The following MTOR variants were observed in gnomAD, a reference collection of about 807,000 sequenced individuals.
MTOR encodes the protein serine/threonine-protein kinase mTOR.
In MTOR, 70 loss-of-function variants were observed where a neutral mutation model predicts 319.8. The observed-to-expected ratio is 0.22, with a 90% confidence interval of 0.18 to 0.27. The LOEUF is 0.27. Among genes scored for constraint, MTOR ranks in the 10% least tolerant of loss-of-function variants. The probability of loss-of-function intolerance (pLI) is 1.00; values close to 1 mark genes in which losing one functional copy is unlikely to be tolerated. For missense variants in MTOR, 1,890 were observed against 3,274.4 expected, an observed-to-expected ratio of 0.58 and a Z score of 10.32; for synonymous variants, 1,183 against 1,211.4, an observed-to-expected ratio of 0.98 and a Z score of 0.49.
chr1:11,257,480 T>C (rs1417629212), intron 3 of MTOR, among the ~76,000 whole-genome samples: 1 of 148,784 alleles, frequency 6.7e-6, no homozygotes, highest in Non-Finnish European at 1.5e-5. Context: ...GGAGAATTGC[T>C]TGGACCTGGG....
rs1288504074 is a variant in MTOR, at chr1:11,134,377, C to T, written c.5220G>A (p.Lys1740=). The T allele has an allele frequency of 1.2e-6, 2 of 1,614,162 alleles. No homozygotes were observed. Among genetic ancestry groups the T allele is most frequent in the South Asian group, 2.2e-5 (2 of 91,074 alleles). The change falls in exon 37 of 58, where the codon AAG becomes AAA. Residue 1740 remains lysine, a synonymous_variant. Transcript: ENST00000361445. ...GGGCCATGAGCTTGTGCAGTTCCTG[C>T]TTATGCTGCTGGTCCTCAGTAGCGA... ...HAIATEDQQH[K]QELHKLMARC...
chr1:11,238,670 T>C (rs928318533), intron 11 of MTOR, 53 bp from the exon 12 acceptor site: 32 of 1,472,232 alleles, frequency 2.2e-5, no homozygotes, highest in Non-Finnish European at 2.9e-5. Flanking sequence ...TGTAGACAGG[T>C]AGGTCTGCAG....
At chr1:11,170,645 G>A (rs1644783295) in intron 28 of MTOR, among the ~76,000 whole-genome samples, 1 of 151,254 alleles carries the variant, frequency 6.6e-6, no homozygotes. Flanking sequence ...GGATTCTTGG[G>A]ATGAAGGCCA....
rs765871065 is a variant in MTOR at position 11,112,937 on chromosome 1, G to T, written c.7301-20C>A. On this transcript the variant is annotated intron_variant, in intron 53 of 57. Transcript: ENST00000361445. ...TATTTGCTAGGGAGAGAAATAAAGA[G>T]TATTGAAACATGCTTCAAATTTTGA... is the stretch of plus-strand genomic sequence containing the variant. 6.2e-7 allele frequency: 1 copy of T among 1,605,420 alleles called. No homozygotes were observed. The highest frequency in any genetic ancestry group is 1.1e-5 in the South Asian group (1 of 89,888).
intron 18 of MTOR, among the ~76,000 whole-genome samples, chr1:11,229,909 C>T (rs772414637): frequency 5.9e-5 from 9 of 151,744 alleles, no homozygotes; most frequent in East Asian, 5.8e-4. Context: ...CCCAGGAGGT[C>T]GAGGCTACAT....
At chr1:11,241,917 T>C (rs1161628705) in intron 9 of MTOR, among the ~76,000 whole-genome samples, 1 of 152,178 alleles carries the variant, frequency 6.6e-6, no homozygotes, top group Admixed American at 6.5e-5. Flanking sequence ...AGGGGCCTTT[T>C]TTCTGAATTC....
chr1:11,146,155 A>C (rs1055514269), intron 32 of MTOR, among the ~76,000 whole-genome samples: 2 of 152,228 alleles, frequency 1.3e-5, no homozygotes, highest in Non-Finnish European at 2.9e-5. Context: ...CAATGCCTTA[A>C]GTGCTCAGAT....
At chr1:11,248,499 C>A (rs995719711) in intron 6 of MTOR, among the ~76,000 whole-genome samples, 2 of 152,194 alleles carry the variant, frequency 1.3e-5, no homozygotes, top group Admixed American at 6.5e-5. Flanking sequence ...TCTCTTTCTT[C>A]TCCCTAGAAA....
intron 4 of MTOR, 39 bp from the exon 5 acceptor site, chr1:11,256,231 A>G (rs1467618222): frequency 5.7e-6 from 9 of 1,589,540 alleles, no homozygotes; most frequent in South Asian, 3.4e-5. Flanking sequence ...CATTGGTACC[A>G]GAGTTTTGTT....
chr1:11,175,925 A>G (rs759495236), intron 28 of MTOR, among the ~76,000 whole-genome samples: 3 of 151,836 alleles, frequency 2.0e-5, no homozygotes, highest in Non-Finnish European at 4.4e-5. Context: ...TTCTATTTTT[A>G]GTAGTAGAGA....
chr1:11,220,157 T>A (rs1211564221), intron 19 of MTOR, among the ~76,000 whole-genome samples: 1 of 151,292 alleles, frequency 6.6e-6, no homozygotes, highest in Non-Finnish European at 1.5e-5. Flanking sequence ...ATCCTCACAT[T>A]CAGGAAGCCC....
At chr1:11,244,615 A>G (rs145927123) in intron 8 of MTOR, among the ~76,000 whole-genome samples, 2 of 152,288 alleles carry the variant, frequency 1.3e-5, no homozygotes, top group Non-Finnish European at 1.5e-5. Context: ...TGGGCAACAG[A>G]GCAAGACTCT....
intron 28 of MTOR, among the ~76,000 whole-genome samples, chr1:11,170,533 C>G (rs111634483): frequency 6.6e-6 from 1 of 151,480 alleles, no homozygotes; most frequent in Non-Finnish European, 1.5e-5. Context: ...CTGGGCAACA[C>G]AGTGAGACCC....
chr1:11,177,153 A>T (rs549523856), intron 28 of MTOR, among the ~76,000 whole-genome samples: 1 of 152,246 alleles, frequency 6.6e-6, no homozygotes, highest in East Asian at 1.9e-4. Flanking sequence ...TGGCCCCATT[A>T]CAAGGTTTCA....
chr1:11,231,238 C>G, intron 17 of MTOR, 62 bp downstream of exon 17: 13 of 1,605,696 alleles, frequency 8.1e-6, no homozygotes, highest in Non-Finnish European at 1.1e-5. Context: ...ATGCTGCAAC[C>G]ATCTCTCTCT....
chr1:11,193,324 G>A (rs1645624431), intron 28 of MTOR, among the ~76,000 whole-genome samples: 1 of 150,958 alleles, frequency 6.6e-6, no homozygotes, highest in Non-Finnish European at 1.5e-5. Flanking sequence ...AAAAAAAAAA[G>A]TATCTGGATT....
rs1645884818 is a variant in MTOR, at chr1:11,199,232, GC to G, written c.4253+25del. The G allele has an allele frequency of 1.2e-6, 2 of 1,614,146 alleles. No homozygotes were observed. Among genetic ancestry groups the G allele is most frequent in the Non-Finnish European group, 1.7e-6 (2 of 1,179,966 alleles). On this transcript the variant is annotated intron_variant, in intron 28 of 57. Coordinates refer to ENST00000361445, the MANE Select transcript of MTOR (RefSeq NM_004958.4). The surrounding 1 kb of genome is among the most constrained non-coding windows in gnomAD (Gnocchi z 4.5). ...AGAGAGGTCATTTTGCATGAAGGCA[GC>G]AATTAAAAAGGGTTTATGGCCTACC...
chr1:11,126,234 TA>T (rs113648055), intron 46 of MTOR, among the ~76,000 whole-genome samples: 106 of 142,062 alleles, frequency 7.5e-4, no homozygotes, highest in Admixed American at 7.0e-4. Flanking sequence ...ACTATGATGG[TA>T]AAAAAAAAAA....
intron 46 of MTOR, among the ~76,000 whole-genome samples, chr1:11,125,044 A>C (rs1259138320): frequency 6.6e-6 from 1 of 152,074 alleles, no homozygotes; most frequent in Non-Finnish European, 1.5e-5. Flanking sequence ...AGGTCAGGGT[A>C]TGTGTCCCCC....
Sources: allele counts gnomAD v4.1 joint callset (sites outside exome capture counted in the v4.1 genomes callset), GRCh38; gene constraint gnomAD v4.1.1; non-coding constraint Gnocchi (gnomAD v3.1); transcripts MANE v1.5; gene names NCBI Gene and HGNC (gene_info 2026-07-23, HGNC 2026-07-21).